The following ITSN2 variants were observed in gnomAD, a reference collection of about 807,000 sequenced individuals.
ITSN2 encodes intersectin 2, also known as intersectin-2.
ITSN2 carries 156 observed loss-of-function variants against 243.7 expected under a neutral mutation model. The observed-to-expected ratio is 0.64, with a 90% confidence interval of 0.56 to 0.73. The LOEUF (loss-of-function observed/expected upper bound fraction) is 0.73, where lower values mean the gene tolerates loss of function less well. ITSN2 is among the 30% of genes least tolerant of loss of function. The probability of loss-of-function intolerance (pLI) is 0.00; values close to 1 mark genes in which losing one functional copy is unlikely to be tolerated. For synonymous variants in ITSN2, 703 were observed against 699.9 expected (o/e 1.00, Z -0.07); for missense variants, 1,801 against 1,996.1 (o/e 0.90, Z 1.86).
chr2:24,232,102 T>G (rs1671685253), intron 29 of ITSN2, among the ~76,000 whole-genome samples: 2 of 152,224 alleles, frequency 1.3e-5, no homozygotes, highest in Non-Finnish European at 2.9e-5. Flanking sequence ...AAGATATTTG[T>G]TTTTACTTTT....
At position 24,275,715 on chromosome 2, in the gene ITSN2, T is replaced by C. The variant is rs1403548752; in HGVS notation, c.2079A>G (p.Ala693=). 6.2e-7 allele frequency: 1 copy of C among 1,607,826 alleles called. No homozygotes were observed. Among genetic ancestry groups the C allele is most frequent in the Non-Finnish European group, 8.5e-7 (1 of 1,175,806 alleles). ...AATAAATATATCAGCTATATTACCT[T>C]GCAGCCTCATCTTCTAGTTTCTTTT... ...MQKKKLEDEA[A]RKAKQGKENL... The change falls in exon 18 of 40, where the codon GCA becomes GCG. Residue 693 remains alanine, a splice_region_variant and synonymous_variant. Coordinates refer to ENST00000355123, the MANE Select transcript of ITSN2 (RefSeq NM_006277.3).
chr2:24,301,565 G>A (rs1268033841), intron 10 of ITSN2, among the ~76,000 whole-genome samples: 2 of 145,774 alleles, frequency 1.4e-5, no homozygotes, highest in East Asian at 2.0e-4. Flanking sequence ...TTGCTCTGCT[G>A]CCCAGGCTAG....
intron 29 of ITSN2, among the ~76,000 whole-genome samples, chr2:24,222,814 T>A (rs1054613555): frequency 5.9e-5 from 9 of 151,974 alleles, no homozygotes; most frequent in Admixed American, 2.6e-4. Context: ...TGGCTGGGAT[T>A]ACAGGCACAC....
intron 1 of ITSN2, among the ~76,000 whole-genome samples, chr2:24,343,995 A>G (rs1687295426): frequency 1.3e-5 from 2 of 152,172 alleles, no homozygotes; most frequent in South Asian, 4.1e-4. Context: ...ACAGTTTGGT[A>G]TTTGTTTTTC....
At chr2:24,260,687 C>A (rs1675730561) in intron 22 of ITSN2, among the ~76,000 whole-genome samples, 2 of 152,074 alleles carry the variant, frequency 1.3e-5, no homozygotes, top group Non-Finnish European at 2.9e-5. Flanking sequence ...GCAGGTGGAT[C>A]ACCTGAGGTC....
At chr2:24,331,755 C>A (rs1685811366) in intron 1 of ITSN2, among the ~76,000 whole-genome samples, 1 of 152,210 alleles carries the variant, frequency 6.6e-6, no homozygotes, top group South Asian at 2.1e-4. Flanking sequence ...GAGACGGCAC[C>A]TGTCAAAAGA....
In ITSN2 at chr2:24,245,477, CT is replaced by C. The variant is rs1211938107; in HGVS notation, c.3577+651del. On this transcript the variant is annotated intron_variant, in intron 29 of 39. Transcript: ENST00000355123. ...AGGTGAATAGGGTAATTGCTGGCTA[CT>C]TTTTTTTTTTTTTCTCTTGAGACAG... 2.1e-3 allele frequency among the ~76,000 whole-genome samples: 307 copies of C among 144,688 alleles called. 1 individual carries two copies. Among genetic ancestry groups the C allele is most frequent in the South Asian group, 3.3e-3 (15 of 4,590 alleles). 94.9% of individuals were successfully genotyped at this position (144,688 alleles called of 152,430 possible).
At chr2:24,357,985 G>C (rs1243492146) in intron 1 of ITSN2, among the ~76,000 whole-genome samples, 1 of 152,134 alleles carries the variant, frequency 6.6e-6, no homozygotes, top group Non-Finnish European at 1.5e-5. Flanking sequence ...TGCGATCTCG[G>C]TTCACTGCAA....
chr2:24,209,964 T>C lies in ITSN2; in HGVS notation c.4327A>G (p.Lys1443Glu). 5.6e-6 allele frequency: 9 copies of C among 1,614,172 alleles called. No homozygotes were observed. The highest frequency in any genetic ancestry group is 6.8e-6 in the Non-Finnish European group (8 of 1,180,008). ...TGCAGTTCCTTGTTGCTCTTGGTCTTGTATAATTTCCCACTGTGTAAGAGC... is the reference window on the plus strand; with the variant it reads ...TGCAGTTCCTTGTTGCTCTTGGTCTCGTATAATTTCCCACTGTGTAAGAGC... ...RKLLHSGKLY[K>E]TKSNKELHGF... The change falls in exon 35 of 40, where the codon AAG (lysine) becomes GAG (glutamate). Residue 1443 changes from lysine to glutamate, a missense_variant. Physicochemically the swap from Lys to Glu is moderately conservative, Grantham distance 56 (BLOSUM62 1). Around this residue, in one of 5 missense-constraint regions of ITSN2, gnomAD observed 928 missense variants for 1,065.4 expected, o/e 0.87. Transcript: ENST00000355123.
chr2:24,289,998 T>A (rs551339734), intron 15 of ITSN2, among the ~76,000 whole-genome samples: 17 of 152,242 alleles, frequency 1.1e-4, no homozygotes, highest in Non-Finnish European at 2.4e-4. Context: ...CTTCTATATC[T>A]ATTTTTTTTG....
In ITSN2 at chr2:24,261,189, G is replaced by A; in HGVS notation, c.2599C>T (p.Leu867=). The change falls in exon 22 of 40, where the codon CTA becomes TTA. Residue 867 remains leucine (L), a synonymous_variant. Coordinates refer to ENST00000355123, the MANE Select transcript of ITSN2 (RefSeq NM_006277.3). ...TDYQNVSFSN[L]TVNTSWQKKS... is the part of the protein sequence containing the mutation. ...TTCTGCCATGATGTATTTACAGTTA[G>A]GTTTGAAAAAGATACATTTTGATAA... 1 of 1,613,054 alleles carries A rather than the reference G, an allele frequency of 6.2e-7. No homozygotes were observed. Among genetic ancestry groups the A allele is most frequent in the Non-Finnish European group, 8.5e-7 (1 of 1,179,112 alleles).
intron 1 of ITSN2, among the ~76,000 whole-genome samples, chr2:24,343,383 T>C (rs1370986332): frequency 6.6e-6 from 1 of 152,198 alleles, no homozygotes; most frequent in African/African-American, 2.4e-5. Context: ...GTTCTGCTTT[T>C]TTCATGTTAC....
chr2:24,308,983 A>G (rs1007998609), intron 7 of ITSN2: 9 of 518,378 alleles, frequency 1.7e-5, no homozygotes, highest in Admixed American at 4.6e-5. Flanking sequence ...TTAGATTCTC[A>G]TAAGAGTGCA....
chr2:24,229,659 T>C (rs1438340623), intron 29 of ITSN2, among the ~76,000 whole-genome samples: 1 of 152,062 alleles, frequency 6.6e-6, no homozygotes, highest in African/African-American at 2.4e-5. Context: ...TGTAGAAAAA[T>C]GTTTACTGAA....
In ITSN2 at chr2:24,298,793, G is replaced by A. The variant is rs764665587; in HGVS notation, c.1366C>T (p.Arg456Ter). ...CTCTCCCATTCTAAGCGACGTTGTC[G>A]TTCAAGTTCCTGTTTTGCTGCCTGA... is the stretch of plus-strand genomic sequence containing the variant. ...RREAAKQELE[R>*]QRRLEWERIR... Residue 456 changes from arginine to a stop codon, truncating the protein, a stop_gained, in exon 13 of 40, where the codon CGA becomes TGA. Coordinates refer to ENST00000355123, the MANE Select transcript of ITSN2 (RefSeq NM_006277.3). LOFTEE classifies it high-confidence loss of function. The A allele has an allele frequency of 1.9e-6, 3 of 1,596,140 alleles. No individual in the cohort carries two copies. Among genetic ancestry groups the A allele is most frequent in the Non-Finnish European group, 2.6e-6 (3 of 1,174,654 alleles).
At chr2:24,342,159 G>A (rs1056145871) in intron 1 of ITSN2, among the ~76,000 whole-genome samples, 9 of 151,932 alleles carry the variant, frequency 5.9e-5, no homozygotes, top group East Asian at 5.8e-4. Context: ...AAGAAAGAGC[G>A]ATTGAGAAGG....
chr2:24,328,315 T>C (rs895992156), intron 1 of ITSN2, among the ~76,000 whole-genome samples, 200 bp from the exon 2 acceptor site: 6 of 152,106 alleles, frequency 3.9e-5, no homozygotes, highest in African/African-American at 1.4e-4. Flanking sequence ...TCGTGCTGCC[T>C]TAATACAGAA....
At chr2:24,299,642 C>T (rs765866558) in intron 12 of ITSN2, among the ~76,000 whole-genome samples, 4 of 152,214 alleles carry the variant, frequency 2.6e-5, no homozygotes, top group Non-Finnish European at 5.9e-5. Context: ...CTCAACTTAG[C>T]TCTGCAGTCG....
At chr2:24,251,211 G>A (rs1456284739) in intron 25 of ITSN2, among the ~76,000 whole-genome samples, 1 of 147,640 alleles carries the variant, frequency 6.8e-6, no homozygotes, top group Non-Finnish European at 1.5e-5. Flanking sequence ...TGTAATCCCA[G>A]CTATTCAAGG....
Sources: gnomAD v4.1 joint callset for allele counts (sites outside exome capture counted in the v4.1 genomes callset) on GRCh38, gnomAD v4.1.1 for gene constraint, gnomAD v4.1.1 regional missense constraint, MANE v1.5 for transcripts, NCBI Gene and HGNC (gene_info 2026-07-23, HGNC 2026-07-21) for gene names.